The following ANAPC11 variants were observed in gnomAD, a reference collection of about 807,000 sequenced individuals.
ANAPC11 encodes the protein anaphase promoting complex subunit 11.
In ANAPC11, 5 loss-of-function variants were observed where a neutral mutation model predicts 11.8. The ratio of observed to expected loss-of-function variants is 0.42; its 90% CI spans 0.22 to 0.89. The LOEUF (loss-of-function observed/expected upper bound fraction) is 0.89, where lower values mean the gene tolerates loss of function less well. Ranked by LOEUF, ANAPC11 falls within the 40% of genes least tolerant of loss-of-function variation. ANAPC11 has a pLI of 0.28. For missense variants in ANAPC11, 68 were observed against 112.9 expected (o/e 0.60, Z 1.80); for synonymous variants, 45 against 41.0 (o/e 1.10, Z -0.38).
At chr17:81,892,509 T>C (rs2039576181) in intron 1 of ANAPC11, among the ~76,000 whole-genome samples, 1 of 148,676 alleles carries the variant, frequency 6.7e-6, no homozygotes, top group Non-Finnish European at 1.5e-5. Context: ...TGAAAACCAG[T>C]GTGCCATTTC....
intron 3 of ANAPC11, among the ~76,000 whole-genome samples, chr17:81,896,266 CA>C (rs2039738314): frequency 6.6e-6 from 1 of 151,586 alleles, no homozygotes; most frequent in East Asian, 2.0e-4. Context: ...ACTAAAAATA[CA>C]AAAAAGTAGC....
chr17:81,898,810 G>A (rs2143574442), intron 3 of ANAPC11: 1 of 196,784 alleles, frequency 5.1e-6, no homozygotes, highest in Non-Finnish European at 1.0e-5. Context: ...CAGTGCATCT[G>A]CGGACTCATC....
At chr17:81,899,512 A>G (rs763796694) in intron 3 of ANAPC11, 1 of 1,613,772 alleles carries the variant, frequency 6.2e-7, no homozygotes, top group Admixed American at 1.7e-5. Flanking sequence ...ATCACAGATC[A>G]AGTGTCTGCA....
chr17:81,891,382 C>T, upstream of ANAPC11: 3 of 1,123,326 alleles, frequency 2.7e-6, no homozygotes, highest in Non-Finnish European at 3.3e-6. Flanking sequence ...CGGGCGATGG[C>T]CGGCCGGTTC....
At chr17:81,894,367 G>C (rs1026331912) in intron 2 of ANAPC11, 100 bp from the exon 3 acceptor site, 2 of 562,876 alleles carry the variant, frequency 3.6e-6, no homozygotes, top group South Asian at 5.5e-5. Flanking sequence ...CCCCTGAGTA[G>C]CTGGGACTGC....
chr17:81,900,107 T>G lies in ANAPC11; in HGVS notation c.*42T>G. ...CGCTGGAGGGGCATCCTGAGACTCC[T>G]TCCTCATGCTGGCGCCGATGGCTGC... On this transcript the variant is annotated 3_prime_UTR_variant, in exon 4 of 4. Transcript: ENST00000344877. The G allele has an allele frequency of 6.2e-7, 1 of 1,609,652 alleles. No homozygotes were observed. Among genetic ancestry groups the G allele is most frequent in the Non-Finnish European group, 8.5e-7 (1 of 1,178,634 alleles).
intron 1 of ANAPC11, among the ~76,000 whole-genome samples, chr17:81,892,714 G>A (rs1172771150): frequency 1.3e-5 from 2 of 151,774 alleles, no homozygotes; most frequent in Non-Finnish European, 2.9e-5. Context: ...ATAGAGACAG[G>A]GTTTCGCCAT....
At chr17:81,891,664 T>G, upstream of ANAPC11, 1 of 1,199,506 alleles carries the variant, frequency 8.3e-7, no homozygotes, top group Non-Finnish European at 1.0e-6. Context: ...TCGGAGCGGC[T>G]GCTGATTGGC....
chr17:81,896,683 T>C (rs931633842), intron 3 of ANAPC11, among the ~76,000 whole-genome samples: 2 of 152,024 alleles, frequency 1.3e-5, no homozygotes, highest in Non-Finnish European at 2.9e-5. Flanking sequence ...CATGCCCATA[T>C]TGATTGACAG....
At chr17:81,891,688 C>G, upstream of ANAPC11, 28 of 1,062,572 alleles carry the variant, frequency 2.6e-5, no homozygotes, top group Non-Finnish European at 3.2e-5. Context: ...TGGCGGACGG[C>G]TGCGCGCGCG....
At chr17:81,891,088 G>T, upstream of ANAPC11, 2 of 669,510 alleles carry the variant, frequency 3.0e-6, no homozygotes, top group Admixed American at 3.2e-5. Flanking sequence ...AGGCCCCAAC[G>T]TCCGGAACAA....
At chr17:81,893,344 A>C (rs138529209) in intron 1 of ANAPC11, among the ~76,000 whole-genome samples, 5,699 of 151,908 alleles carry the variant, frequency 0.038, 366 homozygotes, top group African/African-American at 0.13. Flanking sequence ...TGCCTGCCTC[A>C]GCCTCCCAAA....
At position 81,899,528 on chromosome 17, in the gene ANAPC11, G is replaced by A. The variant is rs192673888; in HGVS notation, c.110-392G>A. 2.1e-5 allele frequency: 34 copies of A among 1,613,360 alleles called. No individual in the cohort carries two copies. In the Admixed American group the frequency reaches 5.0e-4, roughly 24 times the overall value. Reference sequence around the variant, plus strand: ...TCACAGATCAAGTGTCTGCAGATGGGCCCAGGGCCTGTAGGTCAGACATTG... The same window carrying A: ...TCACAGATCAAGTGTCTGCAGATGGACCCAGGGCCTGTAGGTCAGACATTG... On this transcript the variant is annotated intron_variant, in intron 3 of 3. Coordinates refer to ENST00000344877, the MANE Select transcript of ANAPC11 (RefSeq NM_001002248.3).
chr17:81,894,237 A>T, intron 2 of ANAPC11: 1 of 298,308 alleles, frequency 3.4e-6, no homozygotes, highest in Non-Finnish European at 6.0e-6. Flanking sequence ...ACAGAGTGAG[A>T]CTCTGTCTCA....
chr17:81,895,033 TTTTC>T (rs1170834166), intron 3 of ANAPC11, among the ~76,000 whole-genome samples: 32 of 149,546 alleles, frequency 2.1e-4, no homozygotes, highest in African/African-American at 4.9e-4. Context: ...TTTTATTTTC[TTTTC>T]TTTCTTTCTT....
intron 3 of ANAPC11, chr17:81,899,279 C>A: frequency 6.2e-7 from 1 of 1,612,638 alleles, no homozygotes; most frequent in Non-Finnish European, 8.5e-7. Flanking sequence ...GGTGTTTGGG[C>A]TGGTGCCCGC....
At chr17:81,894,847 A>G in intron 3 of ANAPC11, 1 of 385,076 alleles carries the variant, frequency 2.6e-6, no homozygotes, top group Non-Finnish European at 4.6e-6. Flanking sequence ...CCTTCCAAGC[A>G]GCTGGGATTA....
Position 81,900,226 on chromosome 17 carries a change from G to A in ANAPC11, c.*161G>A. On this transcript the variant is annotated 3_prime_UTR_variant, in exon 4 of 4. Coordinates refer to ENST00000344877, the MANE Select transcript of ANAPC11 (RefSeq NM_001002248.3). ...CTATGTTGACACTTTTATCCAATAA[G>A]TGAAAACTCATTAAACTACTCAAAT... 2.5e-6 allele frequency: 3 copies of A among 1,182,492 alleles called. No homozygotes were observed. The highest frequency in any genetic ancestry group is 1.4e-5 in the South Asian group (1 of 69,028). The allele number at this position is 1,182,492 out of a possible 1,614,324, so 73.2% of individuals were successfully genotyped here.
chr17:81,891,220 A>G, upstream of ANAPC11: 1 of 918,678 alleles, frequency 1.1e-6, no homozygotes, highest in Non-Finnish European at 1.3e-6. Flanking sequence ...CCGCTCCACC[A>G]GCCTTATCCA....
Sources: gnomAD v4.1 joint callset for allele counts (sites outside exome capture counted in the v4.1 genomes callset) on GRCh38, gnomAD v4.1.1 for gene constraint, MANE v1.5 for transcripts, NCBI Gene and HGNC (gene_info 2026-07-23, HGNC 2026-07-21) for gene names.